Variants in NDUFS2 observed in about 807,000 individuals in gnomAD.
The protein encoded by NDUFS2 is NADH:ubiquinone oxidoreductase core subunit S2, also known as NADH dehydrogenase [ubiquinone] iron-sulfur protein 2, mitochondrial.
Under a neutral mutation model 69.6 loss-of-function variants are expected in NDUFS2, and 38 were observed. The ratio of observed to expected loss-of-function variants is 0.55; its 90% CI spans 0.42 to 0.72. The LOEUF (loss-of-function observed/expected upper bound fraction) is 0.72. NDUFS2 is among the 30% of genes least tolerant of loss of function. The pLI is 0.00. For missense variants in NDUFS2, 468 were observed against 595.0 expected, an observed-to-expected ratio of 0.79 and a Z score of 2.22; for synonymous variants, 194 against 211.2, an observed-to-expected ratio of 0.92 and a Z score of 0.70.
upstream of NDUFS2, chr1:161,197,931 TA>T: frequency 6.6e-7 from 1 of 1,507,100 alleles, no homozygotes; most frequent in African/African-American, 1.4e-5. Flanking sequence ...AGAGGGTGAA[TA>T]GGGGTCAGTA....
At chr1:161,204,910 GCGTGGTGGCACGCAC>G (rs1665376056) in intron 2 of NDUFS2, among the ~76,000 whole-genome samples, 1 of 152,120 alleles carries the variant, frequency 6.6e-6, no homozygotes, top group South Asian at 2.1e-4. Context: ...AATTAGCCAG[GCGTGGTGGCACGCAC>G]CTGTAATTCT....
At position 161,212,906 on chromosome 1, in the gene NDUFS2, TA is replaced by T. The variant is rs755380838; in HGVS notation, c.1116+427del. On this transcript the variant is annotated intron_variant, in intron 10 of 13. Transcript: ENST00000676972. ...TGTAGTAAGAGATTCGGGTTTTTTT[TA>T]TTTTTTTATTTTTTTTGAGACGGTG... Among the ~76,000 whole-genome samples, 38 of 152,152 alleles carry T rather than the reference TA, an allele frequency of 2.5e-4. No homozygotes were observed. In the East Asian group the frequency reaches 4.7e-3, roughly 19 times the overall value.
At chr1:161,203,854 A>C in intron 2 of NDUFS2, 1 of 389,916 alleles carries the variant, frequency 2.6e-6, no homozygotes, top group Non-Finnish European at 4.9e-6. Context: ...CTCCCAACTC[A>C]GCCTCCGAAA....
At chr1:161,209,666 G>A (rs921574704) in intron 5 of NDUFS2, 71 bp downstream of exon 5, 8 of 1,338,664 alleles carry the variant, frequency 6.0e-6, no homozygotes, top group Non-Finnish European at 8.4e-6. Context: ...AAGGAGACAG[G>A]AGATTAAAAG....
chr1:161,202,333 G>A, upstream of NDUFS2: 1 of 1,549,726 alleles, frequency 6.5e-7, no homozygotes, highest in Non-Finnish European at 8.8e-7. Flanking sequence ...AAGGAGGCGC[G>A]CTGGAGTTAC....
At chr1:161,202,787 T>A (rs1252408985) in intron 1 of NDUFS2, among the ~76,000 whole-genome samples, 1 of 152,208 alleles carries the variant, frequency 6.6e-6, no homozygotes, top group Admixed American at 6.5e-5. Flanking sequence ...TCGCTGTCTC[T>A]CTGTCGTTGA....
At chr1:161,198,109 A>C (rs1403760668), upstream of NDUFS2, 1 of 1,613,844 alleles carries the variant, frequency 6.2e-7, no homozygotes. The surrounding 1 kb of genome is among the most constrained non-coding windows in gnomAD (Gnocchi z 4.7). Context: ...CAGGTCCCCC[A>C]GCAGAGTTAG....
chr1:161,198,198 A>C (rs1280794625), upstream of NDUFS2: 3 of 1,614,062 alleles, frequency 1.9e-6, no homozygotes, highest in East Asian at 6.7e-5. This position sits in a 1 kb window ranked among gnomAD's most constrained non-coding sequence, Gnocchi z 4.7. Flanking sequence ...CCCCCATCCC[A>C]GTGCAGAGAT....
intron 2 of NDUFS2, 80 bp from the exon 3 acceptor site, chr1:161,206,327 G>C (rs575295644): frequency 7.1e-7 from 1 of 1,416,736 alleles, no homozygotes; most frequent in East Asian, 2.3e-5. Context: ...AAATCTATAG[G>C]GAGAGGCTAA....
Position 161,210,129 on chromosome 1 carries a change from A to G in NDUFS2, c.721A>G (p.Met241Val). ...GVHQDLPLGL[M>V]DDIYQFSKNF... ...CTTCTAGGACCTACCCCTTGGGCTT[A>G]TGGATGACATTTATCAGTTTTCTAA... is the stretch of plus-strand genomic sequence containing the variant. The change falls in exon 7 of 14, where the codon ATG becomes GTG. Residue 241 changes from methionine to valine, a missense_variant. Met to Val is a conservative substitution (Grantham distance 21). This residue lies in a region of NDUFS2 where 339 missense variants were observed against 433.8 expected (regional missense o/e 0.78). Transcript: ENST00000676972. 1 of 1,614,164 alleles carries G rather than the reference A, an allele frequency of 6.2e-7. No homozygotes were observed. Among genetic ancestry groups the G allele is most frequent in the Non-Finnish European group, 8.5e-7 (1 of 1,180,028 alleles).
chr1:161,198,481 G>A (rs752003453), upstream of NDUFS2: 2 of 1,569,298 alleles, frequency 1.3e-6, no homozygotes, highest in East Asian at 2.4e-5. This position sits in a 1 kb window ranked among gnomAD's most constrained non-coding sequence, Gnocchi z 4.7. Context: ...TGGCCAGCCG[G>A]GCTGAGGGCA....
chr1:161,198,215 G>A (rs749780664), upstream of NDUFS2: 4 of 1,613,968 alleles, frequency 2.5e-6, no homozygotes, highest in South Asian at 1.1e-5. The surrounding 1 kb of genome is among the most constrained non-coding windows in gnomAD (Gnocchi z 4.7). Flanking sequence ...AGATGCCACC[G>A]ACTCCGGATC....
intron 2 of NDUFS2, 40 bp downstream of exon 2, chr1:161,203,583 C>G (rs749510856): frequency 4.7e-6 from 7 of 1,476,324 alleles, no homozygotes; most frequent in Admixed American, 1.8e-5. Flanking sequence ...ACACCCATCC[C>G]TGCCCCCAGC....
chr1:161,202,268 A>G, upstream of NDUFS2: 1 of 1,002,974 alleles, frequency 1.0e-6, no homozygotes, highest in Non-Finnish European at 1.5e-6. Flanking sequence ...ACGGTAAACG[A>G]CCCTGCCAGC....
intron 2 of NDUFS2, 151 bp downstream of exon 2, chr1:161,203,694 C>T: frequency 1.4e-6 from 1 of 706,418 alleles, no homozygotes; most frequent in Non-Finnish European, 2.6e-6. Flanking sequence ...CTTCTGGGCT[C>T]AAGGCAACCT....
intron 9 of NDUFS2, among the ~76,000 whole-genome samples, chr1:161,211,922 C>T (rs1165853702): frequency 4.6e-5 from 7 of 151,892 alleles, no homozygotes; most frequent in Non-Finnish European, 7.4e-5. Context: ...TAGAAGCAAA[C>T]GATTACAGGG....
chr1:161,204,790 A>T (rs1665364606), intron 2 of NDUFS2, among the ~76,000 whole-genome samples: 1 of 152,120 alleles, frequency 6.6e-6, no homozygotes, highest in African/African-American at 2.4e-5. Context: ...TAAAGCCCGG[A>T]TGCGGTGGCT....
upstream of NDUFS2, among the ~76,000 whole-genome samples, chr1:161,201,328 C>A (rs1489907379): frequency 6.6e-6 from 1 of 152,204 alleles, no homozygotes; most frequent in Non-Finnish European, 1.5e-5. Flanking sequence ...CCCTGCTGCG[C>A]TGCTGGTGGG....
At chr1:161,213,627 C>T in intron 11 of NDUFS2, 22 bp from the exon 12 acceptor site, 3 of 1,613,108 alleles carry the variant, frequency 1.9e-6, no homozygotes, top group Non-Finnish European at 2.5e-6. Context: ...AATACAGACA[C>T]CCAACCTTCT....
Sources: gnomAD v4.1 joint callset for allele counts (sites outside exome capture counted in the v4.1 genomes callset) on GRCh38, gnomAD v4.1.1 for gene constraint, gnomAD v4.1.1 regional missense constraint, Gnocchi (gnomAD v3.1) non-coding constraint, MANE v1.5 for transcripts, NCBI Gene and HGNC (gene_info 2026-07-23, HGNC 2026-07-21) for gene names.